LONRF1: variants seen among roughly 807,000 people sequenced by gnomAD.
LONRF1 encodes LON peptidase N-terminal domain and ring finger 1.
Under a neutral mutation model 85.8 loss-of-function variants are expected in LONRF1, and 37 were observed. The observed-to-expected ratio is 0.43, with a 90% CI of 0.33 to 0.57. The LOEUF is 0.57. Among genes scored for constraint, LONRF1 ranks in the 20% least tolerant of loss-of-function variants. LONRF1 has a pLI of 0.04. For synonymous variants in LONRF1, 517 were observed against 390.1 expected (o/e 1.33, Z -3.83); for missense variants, 1,036 against 978.0 (o/e 1.06, Z -0.79).
chr8:12,750,970 G>A (rs1013185927), intron 1 of LONRF1, among the ~76,000 whole-genome samples: 15 of 152,120 alleles, frequency 9.9e-5, no homozygotes, highest in African/African-American at 3.6e-4. Flanking sequence ...AGCATGTTTT[G>A]ACTCATTTGA....
chr8:12,728,043 G>A (rs1377879183), intron 10 of LONRF1, among the ~76,000 whole-genome samples: 1 of 152,162 alleles, frequency 6.6e-6, no homozygotes, highest in East Asian at 1.9e-4. Flanking sequence ...AATTCTATGA[G>A]TTAATGTTTG....
intron 3 of LONRF1, chr8:12,738,788 T>A (rs928935675): frequency 1.1e-4 from 16 of 152,172 alleles, no homozygotes; most frequent in African/African-American, 3.9e-4. Context: ...AGAAACAGGT[T>A]AAGATAGGGG....
intron 4 of LONRF1, among the ~76,000 whole-genome samples, chr8:12,737,534 T>A (rs1056238667): frequency 6.6e-6 from 1 of 152,144 alleles, no homozygotes; most frequent in Non-Finnish European, 1.5e-5. Flanking sequence ...ATAAGTTATA[T>A]GCAAATACTG....
At position 12,725,976 on chromosome 8, in the gene LONRF1, G is replaced by A. The variant is rs1273797145; in HGVS notation, c.2011-97C>T. The A allele has an allele frequency of 2.0e-5, 22 of 1,098,348 alleles. No homozygotes were observed. In the East Asian group the frequency reaches 5.1e-4, roughly 25 times the overall value. The allele number at this position is 1,098,348 out of a possible 1,614,324, so 68.0% of individuals were successfully genotyped here. A position where few individuals can be genotyped will look rare whatever the true frequency, so the allele number is the denominator to read the frequency against. On this transcript the variant is annotated intron_variant, in intron 10 of 11. Coordinates refer to ENST00000398246, the MANE Select transcript of LONRF1 (RefSeq NM_152271.5). ...AATGGAAAAAGGGATCAGAAGAACAGGGCAATACCTGTTTCAGTGCTGACG... is the reference window on the plus strand; with the variant it reads ...AATGGAAAAAGGGATCAGAAGAACAAGGCAATACCTGTTTCAGTGCTGACG...
At chr8:12,743,708 A>C (rs1281164729) in intron 1 of LONRF1, among the ~76,000 whole-genome samples, 1 of 152,140 alleles carries the variant, frequency 6.6e-6, no homozygotes, top group Non-Finnish European at 1.5e-5. Flanking sequence ...ACGTGTAACT[A>C]TTACATATGG....
chr8:12,744,026 A>G (rs1425199119), intron 1 of LONRF1, among the ~76,000 whole-genome samples: 1 of 152,190 alleles, frequency 6.6e-6, no homozygotes, highest in Non-Finnish European at 1.5e-5. Flanking sequence ...ATCAATTACT[A>G]CAGGTACACA....
chr8:12,753,137 T>C (rs1204583860), intron 1 of LONRF1: 1 of 152,238 alleles, frequency 6.6e-6, no homozygotes, highest in Admixed American at 6.5e-5. Flanking sequence ...ATACTTTTTT[T>C]TTGTTCTGAG....
intron 10 of LONRF1, among the ~76,000 whole-genome samples, chr8:12,726,927 C>CA (rs1458929660): frequency 6.6e-6 from 1 of 152,020 alleles, no homozygotes; most frequent in East Asian, 1.9e-4. Flanking sequence ...GTACTTAATG[C>CA]CACTGTGTGC....
intron 1 of LONRF1, chr8:12,753,111 G>C (rs958556180): frequency 2.0e-5 from 3 of 152,296 alleles, no homozygotes; most frequent in Middle Eastern, 3.4e-3. Flanking sequence ...ATGTGTATCA[G>C]AATTCTGTAT....
In LONRF1 at chr8:12,755,356, TG is replaced by T; in HGVS notation, c.64del (p.Gln22ArgfsTer43). 8.2e-7 allele frequency: 1 copy of T among 1,222,132 alleles called. No homozygotes were observed. The highest frequency in any genetic ancestry group is 1.0e-6 in the Non-Finnish European group (1 of 978,718). The allele number at this position is 1,222,132 out of a possible 1,614,324, so 75.7% of individuals were successfully genotyped here. ...CACTTCCCAGAACCGGCCTCGGCCC[TG>T]CGGCGCTGGGGCCATCTCCCGACTC... ...GGSREMAPAP[Q>X]GRGRFWEVGG... On this transcript the variant is annotated frameshift_variant, in exon 1 of 12. Coordinates refer to ENST00000398246, the MANE Select transcript of LONRF1 (RefSeq NM_152271.5). LOFTEE classifies it high-confidence loss of function.
intron 2 of LONRF1, among the ~76,000 whole-genome samples, chr8:12,741,997 G>C (rs1031453164): frequency 3.3e-5 from 5 of 152,176 alleles, no homozygotes; most frequent in African/African-American, 1.2e-4. Flanking sequence ...CAGATTCTTA[G>C]TATTAAATAA....
chr8:12,754,872 G>C lies in LONRF1; in HGVS notation c.549C>G (p.Ala183=). Residue 183 remains alanine (A), a synonymous_variant, in exon 1 of 12, where the codon GCC becomes GCG. Coordinates refer to ENST00000398246, the MANE Select transcript of LONRF1 (RefSeq NM_152271.5). Reference sequence around the variant, plus strand: ...TGAAGTCTGAAGCGGCGATGGCGGCGGCCAGAGGCGGCGGCCGCGGGGCGG... The same window carrying C: ...TGAAGTCTGAAGCGGCGATGGCGGCCGCCAGAGGCGGCGGCCGCGGGGCGG... ...EGTAPRPPPL[A]AAIAASDFRT... is the part of the protein sequence containing the mutation. 6.7e-7 allele frequency: 1 copy of C among 1,493,450 alleles called. No homozygotes were observed. The highest frequency in any genetic ancestry group is 8.9e-7 in the Non-Finnish European group (1 of 1,126,494). The allele number at this position is 1,493,450 out of a possible 1,614,324, so 92.5% of individuals were successfully genotyped here.
At chr8:12,734,263 T>C (rs1798635678) in intron 7 of LONRF1, among the ~76,000 whole-genome samples, 1 of 3,584 alleles carries the variant, frequency 2.8e-4, no homozygotes, top group African/African-American at 3.3e-4. Flanking sequence ...TTGTTTTACA[T>C]ATCAGCTTGT....
chr8:12,745,435 C>G (rs180894203), intron 1 of LONRF1, among the ~76,000 whole-genome samples: 6 of 151,050 alleles, frequency 4.0e-5, no homozygotes, highest in African/African-American at 1.5e-4. Context: ...GCGCCAAGTG[C>G]GCTAAATGAG....
chr8:12,736,960 G>A lies in LONRF1; in HGVS notation c.1294C>T (p.Leu432Phe), dbSNP rs1223383628. The A allele has an allele frequency of 6.2e-7, 1 of 1,613,398 alleles. No individual in the cohort carries two copies. Among genetic ancestry groups the A allele is most frequent in the Non-Finnish European group, 8.5e-7 (1 of 1,179,646 alleles). Residue 432 changes from leucine to phenylalanine, a missense_variant, in exon 5 of 12, where the codon CTT becomes TTT. Coordinates refer to ENST00000398246, the MANE Select transcript of LONRF1 (RefSeq NM_152271.5). ...KGVLLKRKLS[L>F]LEQDVIVNED... ...TTTACAATCACATCCTGTTCTAAAA[G>A]AGACAACTTTCTTTTCAGCAGAACA... is the stretch of plus-strand genomic sequence containing the variant.
chr8:12,743,602 T>G (rs1799026502), intron 1 of LONRF1, among the ~76,000 whole-genome samples: 1 of 152,214 alleles, frequency 6.6e-6, no homozygotes, highest in Non-Finnish European at 1.5e-5. Context: ...ATAAAGATTT[T>G]AAAGACATAT....
intron 10 of LONRF1, 169 bp from the exon 11 acceptor site, chr8:12,726,048 T>A: frequency 1.7e-6 from 1 of 582,942 alleles, no homozygotes; most frequent in South Asian, 2.8e-5. Flanking sequence ...TTCTGTCTCA[T>A]ATAGGGCTGA....
chr8:12,755,506 AG>A lies in LONRF1; in HGVS notation c.-87del. On this transcript the variant is annotated 5_prime_UTR_variant, in exon 1 of 12. Coordinates refer to ENST00000398246, the MANE Select transcript of LONRF1 (RefSeq NM_152271.5). ...GCGGCTCCGCACGCGGCCCGCGAGC[AG>A]GGGGGCGTGGCGCGCGGACACGGCG... The A allele has an allele frequency of 1.5e-6, 1 of 664,314 alleles. No homozygotes were observed. The highest frequency in any genetic ancestry group is 1.9e-6 in the Non-Finnish European group (1 of 536,118). The allele number at this position is 664,314 out of a possible 1,614,324, so 41.2% of individuals were successfully genotyped here.
Position 12,755,379 on chromosome 8 carries a change from A to T in LONRF1, c.42T>A (p.Ser14Arg), listed in dbSNP as rs1293365067. The change falls in exon 1 of 12, where the codon AGT (serine) becomes AGA (arginine). Residue 14 changes from serine (S) to arginine (R), a missense_variant. By Grantham distance (110) the Ser-to-Arg change is moderately radical (BLOSUM62 -1). This residue lies in a region of LONRF1 where 742 missense variants were observed against 614.4 expected (regional missense o/e 1.21). Transcript: ENST00000398246. ...PAVARTSPGGSREMAPAPQGR... is the reference protein window; with the variant it reads ...PAVARTSPGGRREMAPAPQGR... ...CCTGCGGCGCTGGGGCCATCTCCCG[A>T]CTCCCTCCTGGGGAGGTCCTCGCCA... 8.3e-7 allele frequency: 1 copy of T among 1,197,706 alleles called. No homozygotes were observed. Among genetic ancestry groups the T allele is most frequent in the Non-Finnish European group, 1.0e-6 (1 of 965,816 alleles). The allele number at this position is 1,197,706 out of a possible 1,614,324, so 74.2% of individuals were successfully genotyped here.
Sources: allele counts gnomAD v4.1 joint callset (sites outside exome capture counted in the v4.1 genomes callset), GRCh38; gene constraint gnomAD v4.1.1; regional missense constraint gnomAD v4.1.1; transcripts MANE v1.5; gene names NCBI Gene and HGNC (gene_info 2026-07-23, HGNC 2026-07-21).